Variants in EYA4 observed in about 807,000 individuals in gnomAD.
The protein encoded by EYA4 is protein phosphatase EYA4.
Under a neutral mutation model 87.9 loss-of-function variants are expected in EYA4, and 31 were observed. The ratio of observed to expected loss-of-function variants is 0.35; its 90% confidence interval spans 0.27 to 0.48. The LOEUF is 0.48. Ranked by LOEUF, EYA4 falls within the 20% of genes least tolerant of loss-of-function variation. EYA4 has a pLI of 0.99. For missense variants in EYA4, 678 were observed against 761.4 expected (o/e 0.89, Z 1.29); for synonymous variants, 263 against 270.6 (o/e 0.97, Z 0.28).
chr6:133,514,142 A>G (rs67720873), intron 16 of EYA4, among the ~76,000 whole-genome samples: 34,818 of 151,950 alleles, frequency 0.23, 5,335 homozygotes, highest in African/African-American at 0.43. Flanking sequence ...GGGAGCTTAG[A>G]TATGGAAGAC....
At chr6:133,466,697 G>A (rs562104011) in intron 10 of EYA4, among the ~76,000 whole-genome samples, 18 of 152,104 alleles carry the variant, frequency 1.2e-4, no homozygotes, top group Non-Finnish European at 2.4e-4. Context: ...AAGAAGGAGG[G>A]CAGTGGTGTT....
At chr6:133,361,505 G>A (rs888086938) in intron 2 of EYA4, among the ~76,000 whole-genome samples, 2 of 152,204 alleles carry the variant, frequency 1.3e-5, no homozygotes, top group Non-Finnish European at 2.9e-5. Context: ...GTCTCTGACC[G>A]AGAAGTCTTG....
At chr6:133,263,760 T>C (rs937652037) in intron 1 of EYA4, among the ~76,000 whole-genome samples, 4 of 152,130 alleles carry the variant, frequency 2.6e-5, no homozygotes, top group African/African-American at 9.7e-5. Context: ...CCAACTGTTG[T>C]GAGTGTTAGA....
At position 133,297,732 on chromosome 6, in the gene EYA4, AT is replaced by A. The variant is rs1269003290; in HGVS notation, c.33+22924del. On this transcript the variant is annotated intron_variant, in intron 2 of 19. Transcript: ENST00000355286. Reference sequence around the variant, plus strand: ...AAAAGATGCTTCATTTTTGTATAATATTTTTCATCTGTTGTACCAACAAAGG... The same window carrying A: ...AAAAGATGCTTCATTTTTGTATAATATTTTCATCTGTTGTACCAACAAAGG... Among the ~76,000 whole-genome samples, 6 of 152,122 alleles carry A rather than the reference AT, an allele frequency of 3.9e-5. No homozygotes were observed. In the East Asian group the frequency reaches 1.2e-3, roughly 29 times the overall value.
rs1228422393 is a variant in EYA4 at position 133,310,660 on chromosome 6, A to G, written c.33+35847A>G. Among the ~76,000 whole-genome samples, 6 of 152,322 alleles carry G rather than the reference A, an allele frequency of 3.9e-5. No individual in the cohort carries two copies. The South Asian group carries it at 1.0e-3, about 26-fold the overall frequency. On this transcript the variant is annotated intron_variant, in intron 2 of 19. Transcript: ENST00000355286. ...ATTGATTTCAAGACTTCAGTGACTA[A>G]AAGATATTTGGAGGAGTCTTGGGGA...
chr6:133,446,111 A>G (rs1029659293), intron 3 of EYA4, among the ~76,000 whole-genome samples: 14 of 152,030 alleles, frequency 9.2e-5, no homozygotes, highest in South Asian at 4.1e-4. Flanking sequence ...ATTTCTAGCT[A>G]CTGATTTCTT....
intron 3 of EYA4, among the ~76,000 whole-genome samples, chr6:133,399,038 G>T (rs747032640): frequency 1.3e-5 from 2 of 152,116 alleles, no homozygotes; most frequent in Admixed American, 1.3e-4. Flanking sequence ...TCCCATGTCT[G>T]CGGACTTTTC....
At chr6:133,259,895 T>C (rs930198989) in intron 1 of EYA4, among the ~76,000 whole-genome samples, 1 of 152,188 alleles carries the variant, frequency 6.6e-6, no homozygotes, top group African/African-American at 2.4e-5. Flanking sequence ...TTGTTGTCAT[T>C]ATTTTCTTTT....
chr6:133,385,979 C>T (rs188447484), intron 3 of EYA4, among the ~76,000 whole-genome samples: 206 of 152,182 alleles, frequency 1.4e-3, no homozygotes, highest in Non-Finnish European at 2.6e-3. Context: ...AGCTACTAAA[C>T]TTGATGTCAT....
At chr6:133,266,483 G>A (rs1323504117) in intron 1 of EYA4, among the ~76,000 whole-genome samples, 1 of 152,140 alleles carries the variant, frequency 6.6e-6, no homozygotes, top group African/African-American at 2.4e-5. Flanking sequence ...AAGCCACCCA[G>A]TTTGTGGTAC....
intron 2 of EYA4, among the ~76,000 whole-genome samples, chr6:133,293,797 C>T (rs1169716874): frequency 6.6e-6 from 1 of 151,198 alleles, no homozygotes; most frequent in Non-Finnish European, 1.5e-5. Context: ...ATTAGACAGG[C>T]ATGGTGGCAT....
At chr6:133,258,033 G>A (rs1369089483) in intron 1 of EYA4, among the ~76,000 whole-genome samples, 2 of 151,872 alleles carry the variant, frequency 1.3e-5, no homozygotes, top group African/African-American at 4.8e-5. Flanking sequence ...TTTTTTTCAC[G>A]ATCATGAAAA....
At chr6:133,242,238 C>T (rs948967103) in intron 1 of EYA4, among the ~76,000 whole-genome samples, 5 of 152,220 alleles carry the variant, frequency 3.3e-5, no homozygotes, top group Non-Finnish European at 7.3e-5. Flanking sequence ...TTCGGAGGGT[C>T]ACAGGCGCCT....
chr6:133,469,962 T>C (rs1256217011), intron 11 of EYA4, among the ~76,000 whole-genome samples: 2 of 151,830 alleles, frequency 1.3e-5, no homozygotes, highest in Non-Finnish European at 2.9e-5. Context: ...GTAAATTTGT[T>C]TGAGTTCATT....
At chr6:133,488,306 T>C (rs763428477) in intron 13 of EYA4, among the ~76,000 whole-genome samples, 6 of 152,094 alleles carry the variant, frequency 3.9e-5, no homozygotes, top group Admixed American at 6.5e-5. Flanking sequence ...CCAGGCTCTG[T>C]AGACCCACCA....
At chr6:133,442,510 G>C (rs1197527675) in intron 3 of EYA4, among the ~76,000 whole-genome samples, 1 of 152,032 alleles carries the variant, frequency 6.6e-6, no homozygotes, top group African/African-American at 2.4e-5. Context: ...ATTTAGTACT[G>C]GCAAGGTCCT....
intron 2 of EYA4, among the ~76,000 whole-genome samples, chr6:133,275,708 A>T (rs373279185): frequency 6.6e-6 from 1 of 152,104 alleles, no homozygotes; most frequent in Non-Finnish European, 1.5e-5. Context: ...AGAGGGATGT[A>T]TATTCTGGTG....
At chr6:133,505,848 C>G (rs1021730062) in intron 13 of EYA4, among the ~76,000 whole-genome samples, 1 of 152,112 alleles carries the variant, frequency 6.6e-6, no homozygotes, top group African/African-American at 2.4e-5. Context: ...TCCTTCTCTC[C>G]TCAACATACA....
intron 3 of EYA4, among the ~76,000 whole-genome samples, chr6:133,418,790 C>T (rs751257965): frequency 6.6e-6 from 1 of 152,104 alleles, no homozygotes. Context: ...TAGAGATAAA[C>T]ATTTTCAGTT....
Sources: allele counts gnomAD v4.1 joint callset (sites outside exome capture counted in the v4.1 genomes callset), GRCh38; gene constraint gnomAD v4.1.1; transcripts MANE v1.5; gene names NCBI Gene and HGNC (gene_info 2026-07-23, HGNC 2026-07-21).